FBXL18: variants seen among roughly 807,000 people sequenced by gnomAD.
The protein encoded by FBXL18 is F-box/LRR-repeat protein 18.
A neutral mutation model predicts 46.0 loss-of-function variants in FBXL18; 36 were observed. The ratio of observed to expected loss-of-function variants is 0.78; its 90% CI spans 0.60 to 1.03. FBXL18 has a LOEUF of 1.03. Among genes scored for constraint, FBXL18 ranks in the 50% least tolerant of loss-of-function variants. The pLI, the probability that FBXL18 is intolerant of heterozygous loss-of-function variation, is 0.00. For missense variants in FBXL18, 977 were observed against 1,004.1 expected (o/e 0.97, Z 0.36); for synonymous variants, 557 against 465.3 (o/e 1.20, Z -2.54).
chr7:5,504,099 C>G (rs550999628), intron 2 of FBXL18, among the ~76,000 whole-genome samples: 4 of 151,618 alleles, frequency 2.6e-5, no homozygotes, highest in African/African-American at 9.7e-5. Context: ...AGGGAGCACA[C>G]TCAGCTCCCT....
intron 4 of FBXL18, among the ~76,000 whole-genome samples, chr7:5,482,302 GC>G (rs1489315362): frequency 2.0e-5 from 3 of 152,172 alleles, no homozygotes; most frequent in Non-Finnish European, 4.4e-5. Context: ...GAGGCCCCTG[GC>G]CCACGGAAGC....
chr7:5,511,252 C>T (rs563452502), intron 1 of FBXL18, among the ~76,000 whole-genome samples: 1 of 151,988 alleles, frequency 6.6e-6, no homozygotes, highest in Non-Finnish European at 1.5e-5. Flanking sequence ...CTGGCTAACA[C>T]GGTGAAACCC....
In FBXL18 at chr7:5,455,027, G is replaced by A. The variant is rs1783152992; in HGVS notation, c.2001-7184C>T. Among the ~76,000 whole-genome samples, 1 of 152,192 alleles carries A rather than the reference G, an allele frequency of 6.6e-6. No individual in the cohort carries two copies. Among genetic ancestry groups the A allele is most frequent in the Non-Finnish European group, 1.5e-5 (1 of 68,030 alleles). ...GGGTGGTGCTCTAAGAGTGATCCCA[G>A]TCACACTGGCACTCCGAGTGCCACC... On this transcript the variant is annotated intron_variant and NMD_transcript_variant, in intron 4 of 6. Coordinates refer to the FBXL18 transcript ENST00000415009. This position sits in a 1 kb window ranked among gnomAD's most constrained non-coding sequence, Gnocchi z 4.6.
downstream of FBXL18, among the ~76,000 whole-genome samples, chr7:5,475,624 G>A (rs1022153878): frequency 2.6e-5 from 4 of 152,082 alleles, no homozygotes; most frequent in Admixed American, 2.6e-4. This position sits in a 1 kb window ranked among gnomAD's most constrained non-coding sequence, Gnocchi z 4.2. Flanking sequence ...TCTGCCCCCC[G>A]CTTTGGGTCT....
intron 2 of FBXL18, among the ~76,000 whole-genome samples, chr7:5,502,386 C>T (rs533816210): frequency 6.6e-6 from 1 of 150,912 alleles, no homozygotes; most frequent in Non-Finnish European, 1.5e-5. Flanking sequence ...AATACAAAAA[C>T]TAGTCAGGCA....
In FBXL18 at chr7:5,496,282, A is replaced by G. The variant is rs1784078603; in HGVS notation, c.1781+4206T>C. ...AAAAGCACCTGGCAGAGGTCACATGAGCCCAAAGGTCCCCTCCACCCGCGG... is the reference window on the plus strand; with the variant it reads ...AAAAGCACCTGGCAGAGGTCACATGGGCCCAAAGGTCCCCTCCACCCGCGG... On this transcript the variant is annotated intron_variant, in intron 3 of 4. Coordinates refer to ENST00000382368, the MANE Select transcript of FBXL18 (RefSeq NM_024963.6). The surrounding 1 kb of genome is among the most constrained non-coding windows in gnomAD (Gnocchi z 4.8). 6.6e-6 allele frequency among the ~76,000 whole-genome samples: 1 copy of G among 152,134 alleles called. No homozygotes were observed. The highest frequency in any genetic ancestry group is 1.5e-5 in the Non-Finnish European group (1 of 68,020).
At chr7:5,513,633 A>T (rs774094878) in intron 1 of FBXL18, 24 bp downstream of exon 1, 2 of 1,612,284 alleles carry the variant, frequency 1.2e-6, no homozygotes, top group Non-Finnish European at 1.7e-6. Context: ...GCAGAAGCAG[A>T]GCGGAGACAG....
chr7:5,502,101 G>T (rs965943257), intron 2 of FBXL18, 70 bp from the exon 3 acceptor site: 1 of 1,075,696 alleles, frequency 9.3e-7, no homozygotes, highest in African/African-American at 1.6e-5. Flanking sequence ...CCAACCCTCA[G>T]TGCGCACACT....
rs757305580 is a variant in FBXL18 at position 5,500,586 on chromosome 7, C to G, written c.1683G>C (p.Arg561=). The part of the protein sequence containing the change: ...VNIGLQCQQL[R]SLSLANLGMM... Reference sequence around the variant, plus strand: ...TGCCCAGGTTGGCCAGCGACAGGGACCGCAACTGCTGGCACTGCAGGCCGA... The same window carrying G: ...TGCCCAGGTTGGCCAGCGACAGGGAGCGCAACTGCTGGCACTGCAGGCCGA... Residue 561 remains arginine, a synonymous_variant, in exon 3 of 5, where the codon CGG becomes CGC. Coordinates refer to ENST00000382368, the MANE Select transcript of FBXL18 (RefSeq NM_024963.6). 7.4e-6 allele frequency: 12 copies of G among 1,613,406 alleles called. No homozygotes were observed. In the African/African-American group the frequency reaches 1.5e-4, roughly 20 times the overall value.
chr7:5,507,403 G>A (rs1784419815), intron 1 of FBXL18, among the ~76,000 whole-genome samples: 1 of 152,014 alleles, frequency 6.6e-6, no homozygotes, highest in African/African-American at 2.4e-5. Context: ...TTCTTCCCTG[G>A]GAACAAAGAA....
Position 5,475,953 on chromosome 7 carries a change from A to G in FBXL18, c.*5822T>C, listed in dbSNP as rs1351100958. 6.6e-6 allele frequency: 1 copy of G among 152,256 alleles called. No homozygotes were observed. Among genetic ancestry groups the G allele is most frequent in the Non-Finnish European group, 1.5e-5 (1 of 68,078 alleles). The allele number at this position is 152,256 out of a possible 1,614,324, so 9.4% of individuals were successfully genotyped here. ...ACGGGGGCAGGTCAGCGGGACGGGG[A>G]CAGGGAGGTTGGTCATCGAAAGGCA... On this transcript the variant is annotated 3_prime_UTR_variant, in exon 5 of 5. Transcript: ENST00000382368. This position sits in a 1 kb window ranked among gnomAD's most constrained non-coding sequence, Gnocchi z 4.2.
rs1017173848 is a variant in FBXL18 at position 5,500,422 on chromosome 7, G to C, written c.1781+66C>G. ...GGGCAGGCCAGCCACCGAACTCCAC[G>C]CGAACGCCCCAGTTCCCTCCGCCAG... is the stretch of plus-strand genomic sequence containing the variant. On this transcript the variant is annotated intron_variant, in intron 3 of 4. Transcript: ENST00000382368. 5 of 1,442,358 alleles carry C rather than the reference G, an allele frequency of 3.5e-6. No individual in the cohort carries two copies. In the African/African-American group the frequency reaches 7.1e-5, roughly 20 times the overall value. 89.3% of individuals were successfully genotyped at this position (1,442,358 alleles called of 1,614,324 possible). A position where few individuals can be genotyped will look rare whatever the true frequency, so the allele number is the denominator to read the frequency against.
chr7:5,466,359 G>C (rs1783341014), intron 4 of FBXL18, among the ~76,000 whole-genome samples: 1 of 152,132 alleles, frequency 6.6e-6, no homozygotes, highest in Non-Finnish European at 1.5e-5. Context: ...GCTCCTCCTG[G>C]AGGTGCTGGG....
At chr7:5,492,530 G>A (rs572576968) in intron 3 of FBXL18, among the ~76,000 whole-genome samples, 9 of 152,164 alleles carry the variant, frequency 5.9e-5, no homozygotes, top group African/African-American at 2.2e-4. Context: ...AGTGTGGACT[G>A]AGCTGCGACG....
chr7:5,497,454 G>C (rs1305691209), intron 3 of FBXL18, among the ~76,000 whole-genome samples: 1 of 152,182 alleles, frequency 6.6e-6, no homozygotes, highest in Admixed American at 6.6e-5. Context: ...GAGGCTTCTA[G>C]CAATCTGCTC....
At chr7:5,482,296 C>T (rs1054424264) in intron 4 of FBXL18, among the ~76,000 whole-genome samples, 11 of 152,188 alleles carry the variant, frequency 7.2e-5, no homozygotes, top group Non-Finnish European at 1.2e-4. Flanking sequence ...AGATCCGAGG[C>T]CCCTGGCCCA....
intron 4 of FBXL18, among the ~76,000 whole-genome samples, chr7:5,464,840 A>T (rs1473379606): frequency 6.6e-6 from 1 of 151,758 alleles, no homozygotes; most frequent in Non-Finnish European, 1.5e-5. Context: ...GAGGTGGGCA[A>T]ATCACCAGAG....
At chr7:5,494,126 G>A (rs1282189059) in intron 3 of FBXL18, among the ~76,000 whole-genome samples, 1 of 152,096 alleles carries the variant, frequency 6.6e-6, no homozygotes, top group Non-Finnish European at 1.5e-5. Flanking sequence ...TACAAAATTA[G>A]CTGGTCGTGG....
intron 2 of FBXL18, 22 bp from the exon 3 acceptor site, chr7:5,502,053 G>C: frequency 2.6e-6 from 4 of 1,529,336 alleles, no homozygotes; most frequent in South Asian, 1.2e-5. Flanking sequence ...AGGCAGGGTG[G>C]GGAGAGGAAG....
Sources: allele counts gnomAD v4.1 joint callset (sites outside exome capture counted in the v4.1 genomes callset), GRCh38; gene constraint gnomAD v4.1.1; non-coding constraint Gnocchi (gnomAD v3.1); transcripts MANE v1.5; gene names NCBI Gene and HGNC (gene_info 2026-07-23, HGNC 2026-07-21).